Variants in ZNF804A observed in about 807,000 individuals in gnomAD.
ZNF804A encodes the protein zinc finger protein 804A.
ZNF804A carries 2 observed loss-of-function variants against 16.5 expected under a neutral mutation model. The ratio of observed to expected loss-of-function variants is 0.12; its 90% CI spans 0.05 to 0.38. The LOEUF (loss-of-function observed/expected upper bound fraction) is 0.38. Among genes scored for constraint, ZNF804A ranks in the 10% least tolerant of loss-of-function variants. The probability of loss-of-function intolerance (pLI) is 0.99; values close to 1 mark genes in which losing one functional copy is unlikely to be tolerated. For missense variants in ZNF804A, 1,473 were observed against 1,390.7 expected, an observed-to-expected ratio of 1.06 and a Z score of -0.94; for synonymous variants, 534 against 489.6, an observed-to-expected ratio of 1.09 and a Z score of -1.20.
At chr2:184,715,994 G>A (rs1167498846) in intron 1 of ZNF804A, among the ~76,000 whole-genome samples, 1 of 152,086 alleles carries the variant, frequency 6.6e-6, no homozygotes, top group African/African-American at 2.4e-5. Flanking sequence ...ATGCATATAA[G>A]AGCAACATTT....
chr2:184,816,185 G>A (rs1694979977), intron 1 of ZNF804A, among the ~76,000 whole-genome samples: 1 of 151,920 alleles, frequency 6.6e-6, no homozygotes, highest in Non-Finnish European at 1.5e-5. Context: ...CAAGAATATG[G>A]CAATTGTTCC....
chr2:184,708,447 G>A (rs1240210805), intron 1 of ZNF804A, among the ~76,000 whole-genome samples: 1 of 152,074 alleles, frequency 6.6e-6, no homozygotes, highest in Non-Finnish European at 1.5e-5. Context: ...CAGAAAAAGA[G>A]ACACCTCAAT....
chr2:184,835,820 G>A (rs1695337190), intron 1 of ZNF804A, among the ~76,000 whole-genome samples: 1 of 152,084 alleles, frequency 6.6e-6, no homozygotes, highest in African/African-American at 2.4e-5. Flanking sequence ...GGGGACAACT[G>A]GTTTGGTGTT....
At chr2:184,846,699 A>G (rs1332365537) in intron 1 of ZNF804A, among the ~76,000 whole-genome samples, 2 of 152,046 alleles carry the variant, frequency 1.3e-5, no homozygotes, top group African/African-American at 2.4e-5. Context: ...AGATTTTTCC[A>G]AACATGAAGG....
At chr2:184,729,196 A>G (rs1163944244) in intron 1 of ZNF804A, among the ~76,000 whole-genome samples, 1 of 151,952 alleles carries the variant, frequency 6.6e-6, no homozygotes, top group Non-Finnish European at 1.5e-5. Context: ...AACACAAAAT[A>G]TAAGTATGTG....
At chr2:184,818,303 AAACT>A (rs1187203297) in intron 1 of ZNF804A, among the ~76,000 whole-genome samples, 1 of 152,060 alleles carries the variant, frequency 6.6e-6, no homozygotes, top group African/African-American at 2.4e-5. Context: ...ATATCTGTCC[AAACT>A]AAGCTTCAGA....
At chr2:184,922,472 T>C (rs1685543369) in intron 2 of ZNF804A, among the ~76,000 whole-genome samples, 2 of 152,154 alleles carry the variant, frequency 1.3e-5, no homozygotes, top group South Asian at 2.1e-4. Context: ...TAGAGTTGTT[T>C]GAGCTCCTTT....
intron 1 of ZNF804A, among the ~76,000 whole-genome samples, chr2:184,833,892 T>A (rs1695304105): frequency 6.6e-6 from 1 of 152,046 alleles, no homozygotes; most frequent in African/African-American, 2.4e-5. Flanking sequence ...AAAAATTATT[T>A]TAAAAATGTG....
chr2:184,696,616 A>G (rs1037637608), intron 1 of ZNF804A, among the ~76,000 whole-genome samples: 1 of 152,154 alleles, frequency 6.6e-6, no homozygotes, highest in Admixed American at 6.5e-5. Flanking sequence ...ATTTTATATG[A>G]TTTAAACAAA....
At chr2:184,704,983 T>G (rs1202073294) in intron 1 of ZNF804A, among the ~76,000 whole-genome samples, 2 of 152,160 alleles carry the variant, frequency 1.3e-5, no homozygotes, top group African/African-American at 4.8e-5. Flanking sequence ...TCAAATCACA[T>G]TGGTTAAACA....
chr2:184,713,859 TTG>T (rs1693172722), intron 1 of ZNF804A, among the ~76,000 whole-genome samples: 1 of 152,010 alleles, frequency 6.6e-6, no homozygotes, highest in South Asian at 2.1e-4. Context: ...AAATAATATG[TTG>T]TGTCAGATGA....
In ZNF804A at chr2:184,722,861, G is replaced by A. The variant is rs1693340068; in HGVS notation, c.111+123791G>A. ...TCTGACATTGATGGAGATCATAGAT[G>A]AGTTTTAAAATTGCTTCATGTTAAC... On this transcript the variant is annotated intron_variant, in intron 1 of 3. Transcript: ENST00000302277. Among the ~76,000 whole-genome samples, 2 of 152,076 alleles carry A rather than the reference G, an allele frequency of 1.3e-5. 1 individual carries two copies. The highest frequency in any genetic ancestry group is 1.3e-4 in the Admixed American group (2 of 15,244).
chr2:184,688,959 A>T (rs1285780075), intron 1 of ZNF804A, among the ~76,000 whole-genome samples: 1 of 152,208 alleles, frequency 6.6e-6, no homozygotes, highest in Non-Finnish European at 1.5e-5. Flanking sequence ...CCTAATAACC[A>T]ACATGTTTGT....
chr2:184,788,927 A>G (rs1364829824), intron 1 of ZNF804A, among the ~76,000 whole-genome samples: 1 of 152,040 alleles, frequency 6.6e-6, no homozygotes, highest in East Asian at 1.9e-4. Context: ...CCTGGGAGAA[A>G]TACTTTCATC....
chr2:184,913,986 T>G (rs1481320825), intron 2 of ZNF804A, among the ~76,000 whole-genome samples: 1 of 152,182 alleles, frequency 6.6e-6, no homozygotes, highest in African/African-American at 2.4e-5. Flanking sequence ...GTACTACCTT[T>G]GGATTCATTC....
chr2:184,602,243 A>G (rs1225053365), intron 1 of ZNF804A, among the ~76,000 whole-genome samples: 1 of 152,018 alleles, frequency 6.6e-6, no homozygotes, highest in East Asian at 1.9e-4. Context: ...TGAAAAACAT[A>G]TAAATTTTCA....
intron 1 of ZNF804A, among the ~76,000 whole-genome samples, chr2:184,721,991 C>G (rs1046233893): frequency 1.3e-5 from 2 of 151,906 alleles, no homozygotes; most frequent in African/African-American, 4.8e-5. Flanking sequence ...CATAGAAAGA[C>G]AAAGTTTACA....
chr2:184,635,660 A>G (rs369993954), intron 1 of ZNF804A, among the ~76,000 whole-genome samples: 1 of 152,164 alleles, frequency 6.6e-6, no homozygotes, highest in East Asian at 1.9e-4. Flanking sequence ...TTAATACTTT[A>G]TATATCCTGT....
At chr2:184,606,340 A>G (rs1015399420) in intron 1 of ZNF804A, among the ~76,000 whole-genome samples, 2 of 152,132 alleles carry the variant, frequency 1.3e-5, no homozygotes, top group Non-Finnish European at 2.9e-5. Context: ...AGGAGAGAGA[A>G]GTGCAAACAG....
Sources: allele counts gnomAD v4.1 joint callset (sites outside exome capture counted in the v4.1 genomes callset), GRCh38; gene constraint gnomAD v4.1.1; transcripts MANE v1.5; gene names NCBI Gene and HGNC (gene_info 2026-07-23, HGNC 2026-07-21).